The following CRYBG3 variants were observed in gnomAD, a reference collection of about 807,000 sequenced individuals.
CRYBG3 encodes crystallin beta-gamma domain containing 3, also known as very large A-kinase anchor protein.
A neutral mutation model predicts 244.2 loss-of-function variants in CRYBG3; 127 were observed. The ratio of observed to expected loss-of-function variants is 0.52; its 90% confidence interval spans 0.45 to 0.60. The LOEUF (loss-of-function observed/expected upper bound fraction) is 0.60, where lower values mean the gene tolerates loss of function less well. Among genes scored for constraint, CRYBG3 ranks in the 20% least tolerant of loss-of-function variants. The pLI is 0.00. For synonymous variants in CRYBG3, 1,132 were observed against 1,195.8 expected, an observed-to-expected ratio of 0.95 and a Z score of 1.10; for missense variants, 3,325 against 3,442.5, an observed-to-expected ratio of 0.97 and a Z score of 0.85.
At chr3:97,894,447 G>C (rs1470396322) in intron 11 of CRYBG3, among the ~76,000 whole-genome samples, 1 of 151,910 alleles carries the variant, frequency 6.6e-6, no homozygotes, top group Non-Finnish European at 1.5e-5. Context: ...TTTTGGTTTT[G>C]TTATTTAATT....
At position 97,943,417 on chromosome 3, in the gene CRYBG3, T is replaced by C; in HGVS notation, c.*103T>C. On this transcript the variant is annotated 3_prime_UTR_variant, in exon 22 of 22. Coordinates refer to ENST00000389622, the MANE Select transcript of CRYBG3 (RefSeq NM_153605.4). ...AAGGAAGCTACTGTCCTCACACTCC[T>C]GGATCACTGAGCAGAATGAACATTT... 1 of 689,756 alleles carries C rather than the reference T, an allele frequency of 1.4e-6. No individual in the cohort carries two copies. Among genetic ancestry groups the C allele is most frequent in the South Asian group, 1.7e-5 (1 of 58,768 alleles). The allele number at this position is 689,756 out of a possible 1,614,324, so 42.7% of individuals were successfully genotyped here. A position where few individuals can be genotyped will look rare whatever the true frequency, so the allele number is the denominator to read the frequency against.
chr3:97,929,485 T>C (rs2040075310), intron 17 of CRYBG3, among the ~76,000 whole-genome samples: 2 of 151,994 alleles, frequency 1.3e-5, no homozygotes, highest in African/African-American at 2.4e-5. Flanking sequence ...TGTGTTGACT[T>C]TCCTAATCTT....
Position 97,912,213 on chromosome 3 carries a change from T to C in CRYBG3, c.8051T>C (p.Phe2684Ser). 1 of 1,608,802 alleles carries C rather than the reference T, an allele frequency of 6.2e-7. No homozygotes were observed. The highest frequency in any genetic ancestry group is 8.5e-7 in the Non-Finnish European group (1 of 1,177,600). Residue 2684 changes from phenylalanine to serine, a missense_variant, in exon 16 of 22, where the codon TTT (phenylalanine) becomes TCT (serine). Around this residue, in one of 4 missense-constraint regions of CRYBG3, gnomAD observed 714 missense variants for 803.6 expected, o/e 0.89. Transcript: ENST00000389622. Reference protein sequence around the residue: ...KPGFQGECIDFTEETSDLTSL... With the variant: ...KPGFQGECIDSTEETSDLTSL... ...GGGTTCCAAGGTGAATGTATAGATT[T>C]TACAGAAGAAACTTCTGATTTGACT...
chr3:97,822,296 G>A lies in CRYBG3; in HGVS notation c.90G>A (p.Glu30=), dbSNP rs1226760623. The change falls in exon 1 of 22, where the codon GAG becomes GAA. Residue 30 remains glutamate (E), a synonymous_variant. Coordinates refer to ENST00000389622, the MANE Select transcript of CRYBG3 (RefSeq NM_153605.4). The part of the protein sequence containing the change: ...APRSPSRDKE[E]EEEERPGTSP... Reference sequence around the variant, plus strand: ...GAAGTCCTTCCCGGGACAAGGAAGAGGAAGAGGAGGAGAGGCCGGGGACGA... The same window carrying A: ...GAAGTCCTTCCCGGGACAAGGAAGAAGAAGAGGAGGAGAGGCCGGGGACGA... The A allele has an allele frequency of 6.5e-7, 1 of 1,528,242 alleles. No homozygotes were observed. The highest frequency in any genetic ancestry group is 1.2e-5 in the South Asian group (1 of 83,008). 94.7% of individuals were successfully genotyped at this position (1,528,242 alleles called of 1,614,324 possible). A position where few individuals can be genotyped will look rare whatever the true frequency, so the allele number is the denominator to read the frequency against.
At chr3:97,934,033 C>G (rs2040131865) in intron 18 of CRYBG3, among the ~76,000 whole-genome samples, 200 bp downstream of exon 18, 1 of 152,122 alleles carries the variant, frequency 6.6e-6, no homozygotes, top group South Asian at 2.1e-4. Flanking sequence ...GTTGAACTTT[C>G]TTTTCAGAAG....
At position 97,876,300 on chromosome 3, in the gene CRYBG3, T is replaced by C. The variant is rs747198122; in HGVS notation, c.5106T>C (p.Ser1702=). 5.0e-5 allele frequency: 62 copies of C among 1,231,572 alleles called. No individual in the cohort carries two copies. Among genetic ancestry groups the C allele is most frequent in the Non-Finnish European group, 6.2e-5 (61 of 987,878 alleles). 76.3% of individuals were successfully genotyped at this position (1,231,572 alleles called of 1,614,324 possible). A position where few individuals can be genotyped will look rare whatever the true frequency, so the allele number is the denominator to read the frequency against. ...NIHQKGGEGI[S]EKAEVIPVTL... The stretch of plus-strand genomic sequence containing the variant: ...ACCAAAAAGGTGGTGAAGGGATTAG[T>C]GAAAAGGCTGAAGTGATACCCGTTA... Residue 1702 remains serine, a synonymous_variant, in exon 4 of 22, where the codon AGT becomes AGC. Coordinates refer to ENST00000389622, the MANE Select transcript of CRYBG3 (RefSeq NM_153605.4).
intron 2 of CRYBG3, among the ~76,000 whole-genome samples, chr3:97,861,865 T>C (rs1302891639): frequency 6.6e-6 from 1 of 152,124 alleles, no homozygotes; most frequent in Non-Finnish European, 1.5e-5. Flanking sequence ...ATTGCAGGTG[T>C]TTACTTTGAA....
chr3:97,847,062 C>T (rs2038914534), intron 2 of CRYBG3, among the ~76,000 whole-genome samples: 1 of 152,096 alleles, frequency 6.6e-6, no homozygotes, highest in African/African-American at 2.4e-5. Context: ...GAGGGGAAAG[C>T]TGCCACACAC....
chr3:97,881,276 C>A, intron 7 of CRYBG3, 57 bp downstream of exon 7: 1 of 1,239,212 alleles, frequency 8.1e-7, no homozygotes, highest in Admixed American at 2.4e-5. Context: ...TATAGTAAAC[C>A]TGTGCTGTGG....
At chr3:97,836,532 A>G (rs909519645) in intron 1 of CRYBG3, among the ~76,000 whole-genome samples, 3 of 152,178 alleles carry the variant, frequency 2.0e-5, no homozygotes, top group African/African-American at 7.2e-5. Flanking sequence ...ACTCCAGGCC[A>G]GTGCACGAAA....
intron 2 of CRYBG3, among the ~76,000 whole-genome samples, chr3:97,860,223 C>A (rs541394613): frequency 1.8e-4 from 28 of 152,138 alleles, no homozygotes; most frequent in South Asian, 6.2e-4. Context: ...ATTACTCTAA[C>A]AAACATTTGA....
chr3:97,890,358 G>C (rs2039561942), intron 10 of CRYBG3, among the ~76,000 whole-genome samples: 2 of 152,206 alleles, frequency 1.3e-5, no homozygotes, highest in Admixed American at 1.3e-4. Context: ...CTGTGAAGCT[G>C]TCTGAATGCC....
rs1404550457 is a variant in CRYBG3 at position 97,874,391 on chromosome 3, A to G, written c.3197A>G (p.Tyr1066Cys). The G allele has an allele frequency of 2.6e-6, 4 of 1,533,238 alleles. No individual in the cohort carries two copies. In the African/African-American group the frequency reaches 5.5e-5, roughly 21 times the overall value. 95.0% of individuals were successfully genotyped at this position (1,533,238 alleles called of 1,614,324 possible). Residue 1066 changes from tyrosine (Y) to cysteine (C), a missense_variant, in exon 4 of 22, where the codon TAC becomes TGC. Transcript: ENST00000389622. The part of the protein sequence containing the change: ...GIDSVSSSSS[Y>C]PEEVSMIVNS... ...GATAGTGTGTCATCTTCCTCTAGTT[A>G]CCCTGAAGAAGTTAGCATGATAGTA... is the stretch of plus-strand genomic sequence containing the variant.
intron 10 of CRYBG3, among the ~76,000 whole-genome samples, chr3:97,890,857 T>C (rs958004819): frequency 1.4e-4 from 22 of 152,148 alleles, no homozygotes; most frequent in African/African-American, 5.3e-4. Flanking sequence ...TTAATGCAGC[T>C]AGTATTTGAG....
chr3:97,860,074 C>A (rs1257003604), intron 2 of CRYBG3, among the ~76,000 whole-genome samples: 2 of 152,106 alleles, frequency 1.3e-5, no homozygotes, highest in Non-Finnish European at 2.9e-5. Flanking sequence ...GAAAAGGTTT[C>A]CCATCTACTT....
chr3:97,839,147 T>C (rs775647783), intron 1 of CRYBG3, among the ~76,000 whole-genome samples: 10 of 152,218 alleles, frequency 6.6e-5, no homozygotes, highest in Non-Finnish European at 1.2e-4. Context: ...ATATTCCTAA[T>C]TGAAATACCC....
chr3:97,938,104 A>G (rs1326547179), intron 19 of CRYBG3, among the ~76,000 whole-genome samples: 1 of 151,914 alleles, frequency 6.6e-6, no homozygotes, highest in African/African-American at 2.4e-5. Flanking sequence ...ACCTCTCTCT[A>G]ATCTCTTTAG....
chr3:97,864,164 CTG>C, intron 2 of CRYBG3, 51 bp from the exon 3 acceptor site: 1 of 1,312,914 alleles, frequency 7.6e-7, no homozygotes, highest in South Asian at 1.6e-5. Flanking sequence ...GCTTATCAGT[CTG>C]TTTCATTATT....
intron 15 of CRYBG3, among the ~76,000 whole-genome samples, chr3:97,907,958 G>T (rs1195029653): frequency 6.6e-6 from 1 of 151,994 alleles, no homozygotes; most frequent in Admixed American, 6.6e-5. Context: ...CTTTGTTCCC[G>T]TTGGTTTCAA....
Sources: allele counts gnomAD v4.1 joint callset (sites outside exome capture counted in the v4.1 genomes callset), GRCh38; gene constraint gnomAD v4.1.1; regional missense constraint gnomAD v4.1.1; transcripts MANE v1.5; gene names NCBI Gene and HGNC (gene_info 2026-07-23, HGNC 2026-07-21).